The following NFIC variants were observed in gnomAD, a reference collection of about 807,000 sequenced individuals.
The protein encoded by NFIC is nuclear factor 1 C-type.
A neutral mutation model predicts 54.4 loss-of-function variants in NFIC; 12 were observed. That is an observed-to-expected ratio of 0.22 (90% confidence interval 0.14 to 0.36). The LOEUF is 0.36. Among genes scored for constraint, NFIC ranks in the 10% least tolerant of loss-of-function variants. The pLI is 1.00. For missense variants in NFIC, 575 were observed against 718.2 expected, an observed-to-expected ratio of 0.80 and a Z score of 2.28; for synonymous variants, 322 against 319.2, an observed-to-expected ratio of 1.01 and a Z score of -0.09.
intron 2 of NFIC, among the ~76,000 whole-genome samples, chr19:3,400,134 C>A (rs919808936): frequency 6.6e-6 from 1 of 152,172 alleles, no homozygotes; most frequent in Non-Finnish European, 1.5e-5. Flanking sequence ...TACTGTATGC[C>A]AGGCACTGCT....
chr19:3,439,751 T>A (rs1354148744), intron 6 of NFIC, among the ~76,000 whole-genome samples: 2 of 144,420 alleles, frequency 1.4e-5, no homozygotes, highest in Admixed American at 1.4e-4. Flanking sequence ...TGCAGTGGTG[T>A]GATCTCGGCT....
upstream of NFIC, among the ~76,000 whole-genome samples, chr19:3,363,899 A>AG (rs2080850473): frequency 6.6e-6 from 1 of 152,200 alleles, no homozygotes; most frequent in Non-Finnish European, 1.5e-5. Flanking sequence ...CACAGTGCCA[A>AG]GGGGGAGAGC....
intron 10 of NFIC, chr19:3,457,806 G>A (rs12460927): frequency 0.051 from 7,762 of 152,314 alleles, 433 homozygotes; most frequent in East Asian, 0.19. Context: ...GGGGCGGGGA[G>A]GGGACATGGC....
Position 3,379,722 on chromosome 19 carries a change from C to T in NFIC, c.31-1990C>T, listed in dbSNP as rs1427197241. ...GAGTCAGGAGTCAGGGGTCTCACTA[C>T]GTTGTCACCCGGGCTGGAGATCAAT... On this transcript the variant is annotated intron_variant, in intron 1 of 10. Coordinates refer to ENST00000443272, the MANE Select transcript of NFIC (RefSeq NM_001245002.2). Among the ~76,000 whole-genome samples, 11 of 129,714 alleles carry T rather than the reference C, an allele frequency of 8.5e-5. No individual in the cohort carries two copies. In the South Asian group the frequency reaches 1.0e-3, roughly 12 times the overall value. 85.1% of individuals were successfully genotyped at this position (129,714 alleles called of 152,430 possible).
intron 9 of NFIC, among the ~76,000 whole-genome samples, chr19:3,455,446 G>T (rs868339670): frequency 1.9e-3 from 239 of 127,556 alleles, no homozygotes; most frequent in Middle Eastern, 7.9e-3. Context: ...AGGATACTGC[G>T]TAGGATCCAC....
chr19:3,379,659 T>G (rs1256592525), intron 1 of NFIC, among the ~76,000 whole-genome samples: 4 of 144,912 alleles, frequency 2.8e-5, no homozygotes, highest in Non-Finnish European at 3.0e-5. Flanking sequence ...TTTTTCATTT[T>G]TTTTTATTTC....
chr19:3,408,793 G>A (rs2081699680), intron 2 of NFIC, among the ~76,000 whole-genome samples: 1 of 152,120 alleles, frequency 6.6e-6, no homozygotes, highest in Non-Finnish European at 1.5e-5. Flanking sequence ...GTAGAGACAA[G>A]GTTTCACCAT....
At chr19:3,371,139 A>G (rs1004010778) in intron 1 of NFIC, among the ~76,000 whole-genome samples, 1 of 152,090 alleles carries the variant, frequency 6.6e-6, no homozygotes, top group Non-Finnish European at 1.5e-5. Context: ...GTGCCAAATA[A>G]CTGCTATAGA....
At chr19:3,376,001 C>A (rs949932760) in intron 1 of NFIC, among the ~76,000 whole-genome samples, 1 of 152,062 alleles carries the variant, frequency 6.6e-6, no homozygotes, top group Non-Finnish European at 1.5e-5. Flanking sequence ...GATTCTTATC[C>A]TCACACCGGC....
rs761014093 is a variant in NFIC at position 3,449,044 on chromosome 19, T to C, written c.989T>C (p.Met330Thr). Reference protein sequence around the residue: ...GISSPVKKTEMDKSPFNSPSP... With the variant: ...GISSPVKKTETDKSPFNSPSP... ...TCGTCCCCGGTGAAGAAGACAGAGA[T>C]GGACAAGTCACCATTCAACAGCCCG... Residue 330 changes from methionine (M) to threonine (T), a missense_variant, in exon 7 of 11, where the codon ATG becomes ACG. Met to Thr is a moderately conservative substitution (Grantham distance 81, BLOSUM62 -1). Around this residue, in one of 3 missense-constraint regions of NFIC, gnomAD observed 447 missense variants for 526.9 expected, o/e 0.85. Coordinates refer to ENST00000443272, the MANE Select transcript of NFIC (RefSeq NM_001245002.2). 6.2e-7 allele frequency: 1 copy of C among 1,613,312 alleles called. No individual in the cohort carries two copies. Among genetic ancestry groups the C allele is most frequent in the South Asian group, 1.1e-5 (1 of 90,990 alleles).
chr19:3,452,812 G>T lies in NFIC; in HGVS notation c.1269+146G>T. Reference sequence around the variant, plus strand: ...GTCCCCTCCTCTGTCGTGCTGGGAGGCAGCTGGATTGGGTCAGAATTGAGA... The same window carrying T: ...GTCCCCTCCTCTGTCGTGCTGGGAGTCAGCTGGATTGGGTCAGAATTGAGA... On this transcript the variant is annotated intron_variant, in intron 8 of 10. Transcript: ENST00000443272. This position sits in a 1 kb window ranked among gnomAD's most constrained non-coding sequence, Gnocchi z 5.3. 1 of 1,026,586 alleles carries T rather than the reference G, an allele frequency of 9.7e-7. No individual in the cohort carries two copies. The allele number at this position is 1,026,586 out of a possible 1,614,324, so 63.6% of individuals were successfully genotyped here.
intron 2 of NFIC, among the ~76,000 whole-genome samples, chr19:3,410,104 G>A (rs10414517): frequency 0.17 from 25,337 of 151,832 alleles, 3,185 homozygotes; most frequent in African/African-American, 0.34. Flanking sequence ...GCAGTGGTTC[G>A]ATCTCGGCTC....
At chr19:3,373,378 C>T (rs1304396291) in intron 1 of NFIC, among the ~76,000 whole-genome samples, 2 of 152,302 alleles carry the variant, frequency 1.3e-5, no homozygotes, top group African/African-American at 4.8e-5. Flanking sequence ...CTCACTGTGG[C>T]CCACAAGGCC....
At chr19:3,449,443 A>G (rs547069709) in intron 7 of NFIC, among the ~76,000 whole-genome samples, 2 of 150,334 alleles carry the variant, frequency 1.3e-5, no homozygotes, top group East Asian at 4.0e-4. Flanking sequence ...AACCCCAGAC[A>G]CTGATGGACA....
intron 5 of NFIC, 69 bp downstream of exon 5, chr19:3,434,469 A>C (rs1480191420): frequency 6.7e-7 from 1 of 1,496,188 alleles, no homozygotes; most frequent in Non-Finnish European, 8.9e-7. Flanking sequence ...CTCTGGCCCG[A>C]GCTGACTCAT....
chr19:3,415,237 T>C (rs1373988024), intron 2 of NFIC, among the ~76,000 whole-genome samples: 1 of 151,542 alleles, frequency 6.6e-6, no homozygotes, highest in Non-Finnish European at 1.5e-5. Flanking sequence ...CTCAGCCTCC[T>C]GAGTAGCTAG....
chr19:3,443,156 G>A (rs2082319334), intron 6 of NFIC, among the ~76,000 whole-genome samples: 1 of 152,236 alleles, frequency 6.6e-6, no homozygotes, highest in African/African-American at 2.4e-5. Context: ...AATTGAGGCT[G>A]AGTGTGGTGG....
At chr19:3,399,163 G>A (rs752558200) in intron 2 of NFIC, among the ~76,000 whole-genome samples, 4 of 152,172 alleles carry the variant, frequency 2.6e-5, no homozygotes, top group Admixed American at 6.5e-5. Flanking sequence ...TGGCCCTGCT[G>A]CCTGTTCACT....
chr19:3,435,523 C>T (rs1374899044), intron 6 of NFIC, among the ~76,000 whole-genome samples: 1 of 152,250 alleles, frequency 6.6e-6, no homozygotes, highest in Non-Finnish European at 1.5e-5. Context: ...AGTAGTGACT[C>T]TGATCAACAG....
Sources: allele counts gnomAD v4.1 joint callset (sites outside exome capture counted in the v4.1 genomes callset), GRCh38; gene constraint gnomAD v4.1.1; regional missense constraint gnomAD v4.1.1; non-coding constraint Gnocchi (gnomAD v3.1); transcripts MANE v1.5; gene names NCBI Gene and HGNC (gene_info 2026-07-23, HGNC 2026-07-21).